PCNX4: variants seen among roughly 807,000 people sequenced by gnomAD.
The protein encoded by PCNX4 is pecanex 4.
A neutral mutation model predicts 107.2 loss-of-function variants in PCNX4; 103 were observed. The observed-to-expected ratio is 0.96, with a 90% confidence interval of 0.82 to 1.13. The LOEUF (loss-of-function observed/expected upper bound fraction) is 1.13. Ranked by LOEUF, PCNX4 falls within the 50% of genes most tolerant of loss-of-function variation. The pLI, the probability that PCNX4 is intolerant of heterozygous loss-of-function variation, is 0.00. For synonymous variants in PCNX4, 541 were observed against 481.7 expected, an observed-to-expected ratio of 1.12 and a Z score of -1.61; for missense variants, 1,528 against 1,379.4, an observed-to-expected ratio of 1.11 and a Z score of -1.71.
chr14:60,146,533 G>C lies in PCNX4; in HGVS notation c.*12312G>C, dbSNP rs1182086685. ...TCTGATCCAGCAATTCCACTTAAGGGTATAAATCTAAAGGAAGTGAAATCA... is the reference window on the plus strand; with the variant it reads ...TCTGATCCAGCAATTCCACTTAAGGCTATAAATCTAAAGGAAGTGAAATCA... On this transcript the variant is annotated 3_prime_UTR_variant, in exon 11 of 11. Coordinates refer to ENST00000406854, the MANE Select transcript of PCNX4 (RefSeq NM_001330177.2). This position sits in a 1 kb window ranked among gnomAD's most constrained non-coding sequence, Gnocchi z 4.9. The C allele has an allele frequency of 6.6e-6, 1 of 152,116 alleles. No homozygotes were observed. The highest frequency in any genetic ancestry group is 2.4e-5 in the African/African-American group (1 of 41,418). 9.4% of individuals were successfully genotyped at this position (152,116 alleles called of 1,614,324 possible).
Position 60,115,996 on chromosome 14 carries a change from A to G in PCNX4, c.1514A>G (p.His505Arg). 3 of 1,612,856 alleles carry G rather than the reference A, an allele frequency of 1.9e-6. No individual in the cohort carries two copies. Among genetic ancestry groups the G allele is most frequent in the South Asian group, 1.1e-5 (1 of 90,862 alleles). ...LLETVIVSTVHLISSTDIWWN... is the reference protein window; with the variant it reads ...LLETVIVSTVRLISSTDIWWN... ...GAGACAGTCATTGTATCAACAGTAC[A>G]CTTGATCTCCAGTACAGACATATGG... is the stretch of plus-strand genomic sequence containing the variant. Residue 505 changes from histidine to arginine, a missense_variant, in exon 6 of 11, where the codon CAC (histidine) becomes CGC (arginine). By Grantham distance (29) the His-to-Arg change is conservative. Coordinates refer to ENST00000406854, the MANE Select transcript of PCNX4 (RefSeq NM_001330177.2).
In PCNX4 at chr14:60,143,604, T is replaced by G. The variant is rs1896332439; in HGVS notation, c.*9383T>G. 6.6e-6 allele frequency: 1 copy of G among 152,244 alleles called. No homozygotes were observed. The highest frequency in any genetic ancestry group is 1.9e-4 in the East Asian group (1 of 5,200). The allele number at this position is 152,244 out of a possible 1,614,324, so 9.4% of individuals were successfully genotyped here. On this transcript the variant is annotated 3_prime_UTR_variant, in exon 11 of 11. Coordinates refer to ENST00000406854, the MANE Select transcript of PCNX4 (RefSeq NM_001330177.2). ...CGTTGCTTCTTTATTTCTTCACTTA[T>G]GACTATGCCTCTAGTACATATCCAT...
In PCNX4 at chr14:60,135,550, T is replaced by C. The variant is rs1896228433; in HGVS notation, c.*1329T>C. 1.3e-5 allele frequency: 2 copies of C among 152,076 alleles called. No individual in the cohort carries two copies. Among genetic ancestry groups the C allele is most frequent in the Non-Finnish European group, 2.9e-5 (2 of 68,014 alleles). The allele number at this position is 152,076 out of a possible 1,614,324, so 9.4% of individuals were successfully genotyped here. A position where few individuals can be genotyped will look rare whatever the true frequency, so the allele number is the denominator to read the frequency against. Reference sequence around the variant, plus strand: ...TCATGTCGTTAAAAGTACTTGTAATTATCAGCTTTTTTTTTTTTCCGAGAT... The same window carrying C: ...TCATGTCGTTAAAAGTACTTGTAATCATCAGCTTTTTTTTTTTTCCGAGAT... On this transcript the variant is annotated 3_prime_UTR_variant, in exon 11 of 11. Transcript: ENST00000406854.
chr14:60,129,421 G>A (rs927117239), intron 10 of PCNX4, among the ~76,000 whole-genome samples: 6 of 151,950 alleles, frequency 3.9e-5, no homozygotes, highest in Non-Finnish European at 7.4e-5. Flanking sequence ...GTGTGGTGGC[G>A]TGCATTTGTA....
At position 60,107,801 on chromosome 14, in the gene PCNX4, G is replaced by T. The variant is rs1159161538; in HGVS notation, c.163G>T (p.Gly55Cys). 6.2e-7 allele frequency: 1 copy of T among 1,612,742 alleles called. No individual in the cohort carries two copies. Among genetic ancestry groups the T allele is most frequent in the South Asian group, 1.1e-5 (1 of 91,076 alleles). Residue 55 changes from glycine (G) to cysteine (C), a missense_variant, in exon 2 of 11, where the codon GGT becomes TGT. Physicochemically the swap from Gly to Cys is radical, Grantham distance 159. Coordinates refer to ENST00000406854, the MANE Select transcript of PCNX4 (RefSeq NM_001330177.2). ...IILFLMPWVW[G>C]GVGTLLYQLG... Reference sequence around the variant, plus strand: ...TCTTTTTCTAATGCCATGGGTTTGGGGTGGAGTCGGAACACTTTTATACCA... The same window carrying T: ...TCTTTTTCTAATGCCATGGGTTTGGTGTGGAGTCGGAACACTTTTATACCA...
At position 60,124,354 on chromosome 14, in the gene PCNX4, G is replaced by A; in HGVS notation, c.2183G>A (p.Cys728Tyr). The A allele has an allele frequency of 2.5e-6, 4 of 1,613,194 alleles. No individual in the cohort carries two copies. The highest frequency in any genetic ancestry group is 3.4e-6 in the Non-Finnish European group (4 of 1,179,530). ...NEHFGNVLTP[C>Y]TVLPVKLYSD... ...CACTTTGGAAATGTCTTGACACCCT[G>A]TACTGTTTTGCCTGTGAAATTGTAT... Residue 728 changes from cysteine (C) to tyrosine (Y), a missense_variant, in exon 9 of 11, where the codon TGT becomes TAT. Cys to Tyr is a radical substitution (Grantham distance 194, BLOSUM62 -2). Transcript: ENST00000406854.
intron 10 of PCNX4, among the ~76,000 whole-genome samples, chr14:60,128,757 ATGTATTGT>A (rs1896100905): frequency 6.6e-6 from 1 of 152,230 alleles, no homozygotes; most frequent in Non-Finnish European, 1.5e-5. Context: ...ATATGTATTC[ATGTATTGT>A]TGGGTCTATA....
In PCNX4 at chr14:60,114,919, TAAAG is replaced by T. The variant is rs767597009; in HGVS notation, c.869+43_869+46del. Reference sequence around the variant, plus strand: ...ATATTGATGTTATATGTAATATTCTTAAAGAACATTTTTCTTTTCAAGTAAATAT... The same window carrying T: ...ATATTGATGTTATATGTAATATTCTTAACATTTTTCTTTTCAAGTAAATAT... On this transcript the variant is annotated intron_variant, in intron 3 of 10. Coordinates refer to ENST00000406854, the MANE Select transcript of PCNX4 (RefSeq NM_001330177.2). 1.7e-5 allele frequency: 27 copies of T among 1,563,642 alleles called. 1 individual carries two copies. Among genetic ancestry groups the T allele is most frequent in the South Asian group, 1.3e-4 (11 of 82,486 alleles).
At chr14:60,094,256 AG>A (rs1402776628) in intron 1 of PCNX4, among the ~76,000 whole-genome samples, 5 of 152,142 alleles carry the variant, frequency 3.3e-5, no homozygotes, top group African/African-American at 1.2e-4. Context: ...AGCCATCAAA[AG>A]CGTCCCATTT....
At position 60,143,627 on chromosome 14, in the gene PCNX4, C is replaced by T. The variant is rs1353054902; in HGVS notation, c.*9406C>T. The T allele has an allele frequency of 6.6e-6, 1 of 152,160 alleles. No individual in the cohort carries two copies. The highest frequency in any genetic ancestry group is 1.5e-5 in the Non-Finnish European group (1 of 68,038). The allele number at this position is 152,160 out of a possible 1,614,324, so 9.4% of individuals were successfully genotyped here. A position where few individuals can be genotyped will look rare whatever the true frequency, so the allele number is the denominator to read the frequency against. On this transcript the variant is annotated 3_prime_UTR_variant, in exon 11 of 11. Transcript: ENST00000406854. Reference sequence around the variant, plus strand: ...TATGACTATGCCTCTAGTACATATCCATGTTGTTATGTATGCATTTATTCC... The same window carrying T: ...TATGACTATGCCTCTAGTACATATCTATGTTGTTATGTATGCATTTATTCC...
chr14:60,129,642 G>C (rs1896118936), intron 10 of PCNX4, among the ~76,000 whole-genome samples: 2 of 152,134 alleles, frequency 1.3e-5, no homozygotes. Flanking sequence ...TATATAAAGT[G>C]ATAATTATAA....
At chr14:60,093,809 A>T (rs1895362996) in intron 1 of PCNX4, among the ~76,000 whole-genome samples, 1 of 152,090 alleles carries the variant, frequency 6.6e-6, no homozygotes, top group Admixed American at 6.5e-5. Flanking sequence ...TAACCACCAG[A>T]TATGTTTGAG....
chr14:60,124,815 G>A lies in PCNX4; in HGVS notation c.2644G>A (p.Gly882Arg), dbSNP rs1222093554. 1.2e-6 allele frequency: 2 copies of A among 1,613,576 alleles called. No individual in the cohort carries two copies. The highest frequency in any genetic ancestry group is 8.5e-7 in the Non-Finnish European group (1 of 1,179,770). ...ENDLYKAVLL[G>R]YPAVDKGKQE... The stretch of plus-strand genomic sequence containing the variant: ...CGATCTTTACAAAGCAGTTCTATTA[G>A]GATACCCTGCTGTTGACAAAGGAAA... Residue 882 changes from glycine (G) to arginine (R), a missense_variant, in exon 9 of 11, where the codon GGA becomes AGA. Transcript: ENST00000406854.
Position 60,124,714 on chromosome 14 carries a change from G to T in PCNX4, c.2543G>T (p.Gly848Val). ...EEKHQLKDLP[G>V]TNLFIPGSVE... is the part of the protein sequence containing the mutation. ...AAACATCAGTTGAAAGATTTGCCAG[G>T]TACAAATTTGTTTATTCCAGGATCA... Residue 848 changes from glycine to valine, a missense_variant, in exon 9 of 11, where the codon GGT becomes GTT. Physicochemically the swap from Gly to Val is moderately radical, Grantham distance 109. Transcript: ENST00000406854. 1 of 1,613,048 alleles carries T rather than the reference G, an allele frequency of 6.2e-7. No homozygotes were observed. Among genetic ancestry groups the T allele is most frequent in the Non-Finnish European group, 8.5e-7 (1 of 1,179,736 alleles).
At chr14:60,117,431 T>C (rs1033505756) in intron 6 of PCNX4, among the ~76,000 whole-genome samples, 3 of 152,228 alleles carry the variant, frequency 2.0e-5, no homozygotes, top group Non-Finnish European at 2.9e-5. Context: ...TTATAACATA[T>C]AGCCTAGGTA....
In PCNX4 at chr14:60,107,851, T is replaced by C. The variant is rs754941310; in HGVS notation, c.213T>C (p.Tyr71=). ...AGTTAGGCATCCTGAAAGACTATTA[T>C]ACAGCAGCACTTTCAGGTGGATTAA... ...LYQLGILKDY[Y]TAALSGGLML... is the part of the protein sequence containing the mutation. The change falls in exon 2 of 11, where the codon TAT becomes TAC. Residue 71 remains tyrosine, a synonymous_variant. Transcript: ENST00000406854. 11 of 1,612,794 alleles carry C rather than the reference T, an allele frequency of 6.8e-6. No individual in the cohort carries two copies. The East Asian group carries it at 1.8e-4, about 26-fold the overall frequency.
At chr14:60,100,688 C>G (rs1233426102) in intron 1 of PCNX4, among the ~76,000 whole-genome samples, 1 of 152,330 alleles carries the variant, frequency 6.6e-6, no homozygotes, top group Admixed American at 6.5e-5. Flanking sequence ...AAATTCCTGT[C>G]TAAGGGGCCT....
At position 60,142,416 on chromosome 14, in the gene PCNX4, C is replaced by T. The variant is rs1896317113; in HGVS notation, c.*8195C>T. 6.6e-6 allele frequency: 1 copy of T among 152,196 alleles called. No individual in the cohort carries two copies. Among genetic ancestry groups the T allele is most frequent in the African/African-American group, 2.4e-5 (1 of 41,440 alleles). 9.4% of individuals were successfully genotyped at this position (152,196 alleles called of 1,614,324 possible). On this transcript the variant is annotated 3_prime_UTR_variant, in exon 11 of 11. Transcript: ENST00000406854. The surrounding 1 kb of genome is among the most constrained non-coding windows in gnomAD (Gnocchi z 4.7). The stretch of plus-strand genomic sequence containing the variant: ...TCTTTTACCAACTCACCTGCTGTCA[C>T]CTTACACAACCCCAACTGTGTTTCA...
At chr14:60,120,870 CCT>C (rs1895940254) in intron 7 of PCNX4, among the ~76,000 whole-genome samples, 1 of 152,058 alleles carries the variant, frequency 6.6e-6, no homozygotes, top group African/African-American at 2.4e-5. Flanking sequence ...TGTCAAGCTG[CCT>C]TTTATAAACT....
Sources: gnomAD v4.1 joint callset for allele counts (sites outside exome capture counted in the v4.1 genomes callset) on GRCh38, gnomAD v4.1.1 for gene constraint, Gnocchi (gnomAD v3.1) non-coding constraint, MANE v1.5 for transcripts, NCBI Gene and HGNC (gene_info 2026-07-23, HGNC 2026-07-21) for gene names.